Variants in APP observed in about 807,000 individuals in gnomAD.
APP encodes amyloid-beta precursor protein.
In APP, 31 loss-of-function variants were observed where a neutral mutation model predicts 101.4. That is an observed-to-expected ratio of 0.31 (90% CI 0.23 to 0.41). The LOEUF (loss-of-function observed/expected upper bound fraction) is 0.41, where lower values mean the gene tolerates loss of function less well. APP is among the 10% of genes least tolerant of loss of function. APP has a pLI of 1.00. For synonymous variants in APP, 366 were observed against 364.4 expected (o/e 1.00, Z -0.05); for missense variants, 839 against 1,003.7 (o/e 0.84, Z 2.22).
Position 26,096,972 on chromosome 21 carries a change from C to T in APP, c.226-6900G>A, listed in dbSNP as rs184820735. ...CAGAGACCGGATCTGACAGGGCCTG[C>T]CTGTGCCCTCTAACTCTTTTAAGTC... On this transcript the variant is annotated intron_variant, in intron 2 of 17. Transcript: ENST00000346798. 1.2e-3 allele frequency among the ~76,000 whole-genome samples: 187 copies of T among 152,254 alleles called. 1 individual carries two copies. The highest frequency in any genetic ancestry group is 2.5e-3 in the South Asian group (12 of 4,812).
intron 13 of APP, among the ~76,000 whole-genome samples, chr21:25,925,361 C>T (rs1242970087): frequency 2.6e-5 from 4 of 152,322 alleles, no homozygotes; most frequent in South Asian, 4.1e-4. Context: ...TCCGCAAAAT[C>T]GTGGGAGGCT....
At chr21:26,031,148 G>A (rs2044799171) in intron 5 of APP, among the ~76,000 whole-genome samples, 1 of 152,172 alleles carries the variant, frequency 6.6e-6, no homozygotes, top group South Asian at 2.1e-4. Context: ...GCCCTGAAAA[G>A]GTGTCAATGC....
intron 3 of APP, among the ~76,000 whole-genome samples, chr21:26,086,524 TA>T (rs1462068476): frequency 2.0e-5 from 3 of 150,468 alleles, no homozygotes; most frequent in African/African-American, 7.3e-5. Flanking sequence ...TTAACACGCT[TA>T]ATGTTTAAGA....
intron 8 of APP, 72 bp downstream of exon 8, chr21:25,997,288 G>T: frequency 7.2e-7 from 1 of 1,385,094 alleles, no homozygotes; most frequent in Non-Finnish European, 1.0e-6. Context: ...AGAAGGTGAT[G>T]ATGCTGGAGT....
intron 8 of APP, 119 bp from the exon 9 acceptor site, chr21:25,982,596 C>A: frequency 1.0e-6 from 1 of 957,162 alleles, no homozygotes; most frequent in Non-Finnish European, 1.6e-6. Context: ...TTTAGTAAAG[C>A]AGCGCATACA....
intron 1 of APP, chr21:26,140,465 T>G (rs749810889): frequency 1.2e-5 from 11 of 884,358 alleles, no homozygotes; most frequent in Non-Finnish European, 1.7e-5. Flanking sequence ...AACTCTGTCT[T>G]GGGTAGAGTA....
chr21:26,070,335 G>A lies in APP; in HGVS notation c.356-16987C>T, dbSNP rs1018961034. Among the ~76,000 whole-genome samples, 4 of 152,234 alleles carry A rather than the reference G, an allele frequency of 2.6e-5. No individual in the cohort carries two copies. In the Middle Eastern group the frequency reaches 0.01, roughly 388 times the overall value. On this transcript the variant is annotated intron_variant, in intron 3 of 17. Transcript: ENST00000346798. ...TCATTATTGTAAATCAATTTGGCAG[G>A]ACTTATCACTCCACAGAGAGCTGAA...
intron 1 of APP, among the ~76,000 whole-genome samples, chr21:26,144,269 G>T (rs1186347610): frequency 6.6e-6 from 1 of 152,154 alleles, no homozygotes; most frequent in Non-Finnish European, 1.5e-5. Context: ...TGAGATCCAG[G>T]TGGGGATGGA....
At chr21:26,024,601 TG>T (rs2146792193) in intron 5 of APP, among the ~76,000 whole-genome samples, 1 of 152,306 alleles carries the variant, frequency 6.6e-6, no homozygotes, top group South Asian at 2.1e-4. Flanking sequence ...GTAGTTTTGC[TG>T]AGAGTGAAAG....
At chr21:26,064,327 T>C (rs1011144174) in intron 3 of APP, among the ~76,000 whole-genome samples, 25 of 152,198 alleles carry the variant, frequency 1.6e-4, no homozygotes, top group Admixed American at 8.5e-4. Context: ...ATGTTAACAA[T>C]AGGGAAAACT....
chr21:25,939,011 T>C (rs574697971), intron 13 of APP, among the ~76,000 whole-genome samples: 11 of 152,362 alleles, frequency 7.2e-5, no homozygotes, highest in African/African-American at 2.4e-4. Context: ...ATCTGATTTT[T>C]GCACCCCAGG....
rs549030304 is a variant in APP, at chr21:25,956,180, T to C, written c.1459-425A>G. Among the ~76,000 whole-genome samples the C allele has an allele frequency of 2.5e-4, 38 of 152,314 alleles. 1 individual carries two copies. The South Asian group carries it at 7.2e-3, about 29-fold the overall frequency. Reference sequence around the variant, plus strand: ...GTCACACAGATAATCCCATCACCAGTAACATGTAACATACGAAATCAAAAT... The same window carrying C: ...GTCACACAGATAATCCCATCACCAGCAACATGTAACATACGAAATCAAAAT... On this transcript the variant is annotated intron_variant, in intron 11 of 17. Coordinates refer to ENST00000346798, the MANE Select transcript of APP (RefSeq NM_000484.4).
intron 8 of APP, among the ~76,000 whole-genome samples, chr21:25,996,588 C>T (rs2043064899): frequency 6.6e-6 from 1 of 152,174 alleles, no homozygotes; most frequent in Admixed American, 6.5e-5. Context: ...TCCCACCAGG[C>T]ACTCCCTGCA....
intron 8 of APP, among the ~76,000 whole-genome samples, chr21:25,985,898 C>T (rs772457902): frequency 2.0e-5 from 3 of 152,028 alleles, no homozygotes; most frequent in Non-Finnish European, 4.4e-5. Context: ...AGCCAGATTA[C>T]TGTCTAGTCA....
rs201380777 is a variant in APP, at chr21:25,881,470, G to A, written c.*200C>T. On this transcript the variant is annotated 3_prime_UTR_variant, in exon 18 of 18. Transcript: ENST00000346798. ...TGTAGTATAGAGACCAAAATGTAAA[G>A]AGAGATAGAATACATTACTGATGTG... The A allele has an allele frequency of 1.5e-6, 1 of 649,406 alleles. No individual in the cohort carries two copies. The highest frequency in any genetic ancestry group is 1.8e-5 in the African/African-American group (1 of 55,442). The allele number at this position is 649,406 out of a possible 1,614,324, so 40.2% of individuals were successfully genotyped here.
intron 17 of APP, among the ~76,000 whole-genome samples, chr21:25,884,592 G>A (rs2037203749): frequency 6.6e-6 from 1 of 152,156 alleles, no homozygotes; most frequent in Admixed American, 6.6e-5. Flanking sequence ...CTGTAAATCT[G>A]TGTGCCAGGA....
chr21:26,091,684 A>T (rs1482582420), intron 2 of APP, among the ~76,000 whole-genome samples: 1 of 152,148 alleles, frequency 6.6e-6, no homozygotes, highest in Non-Finnish European at 1.5e-5. Flanking sequence ...GAGCAAAGTG[A>T]TTTGTCTGAA....
At chr21:26,082,163 G>A (rs1474430267) in intron 3 of APP, among the ~76,000 whole-genome samples, 1 of 152,148 alleles carries the variant, frequency 6.6e-6, no homozygotes, top group East Asian at 1.9e-4. Flanking sequence ...AGGTTGCAGT[G>A]AGCCGAGATC....
chr21:25,962,515 G>A (rs2041623670), intron 11 of APP, among the ~76,000 whole-genome samples: 2 of 152,122 alleles, frequency 1.3e-5, no homozygotes, highest in African/African-American at 4.8e-5. Flanking sequence ...TCTTCAAGTA[G>A]AAAACAAACA....
Sources: gnomAD v4.1 joint callset for allele counts (sites outside exome capture counted in the v4.1 genomes callset) on GRCh38, gnomAD v4.1.1 for gene constraint, MANE v1.5 for transcripts, NCBI Gene and HGNC (gene_info 2026-07-23, HGNC 2026-07-21) for gene names.